The following METTL25 variants were observed in gnomAD, a reference collection of about 807,000 sequenced individuals.
METTL25 encodes the protein probable methyltransferase-like protein 25.
Under a neutral mutation model 71.6 loss-of-function variants are expected in METTL25, and 64 were observed. That is an observed-to-expected ratio of 0.89 (90% CI 0.73 to 1.10). The LOEUF (loss-of-function observed/expected upper bound fraction) is 1.10. METTL25 is among the 50% of genes least tolerant of loss of function. The pLI, the probability that METTL25 is intolerant of heterozygous loss-of-function variation, is 0.00. For synonymous variants in METTL25, 287 were observed against 250.3 expected (o/e 1.15, Z -1.38); for missense variants, 807 against 707.0 (o/e 1.14, Z -1.60).
chr12:82,409,553 C>G (rs1452099428), intron 5 of METTL25, among the ~76,000 whole-genome samples: 1 of 152,068 alleles, frequency 6.6e-6, no homozygotes, highest in Non-Finnish European at 1.5e-5. Flanking sequence ...GCTAACTGAA[C>G]CATGATTTTG....
chr12:82,394,608 C>T (rs924479678), intron 3 of METTL25, among the ~76,000 whole-genome samples: 10 of 151,924 alleles, frequency 6.6e-5, no homozygotes, highest in Non-Finnish European at 5.9e-5. Flanking sequence ...ACTGAGGGTG[C>T]ATCAGTGAAC....
At chr12:82,441,879 AAGTACAG>A (rs1266390286) in intron 8 of METTL25, among the ~76,000 whole-genome samples, 1 of 151,652 alleles carries the variant, frequency 6.6e-6, no homozygotes, top group Non-Finnish European at 1.5e-5. Context: ...AAAGGCAAAG[AAGTACAG>A]AGCCTGCACT....
intron 6 of METTL25, among the ~76,000 whole-genome samples, chr12:82,433,867 G>A (rs964066961): frequency 7.3e-5 from 11 of 151,160 alleles, no homozygotes; most frequent in Admixed American, 6.6e-4. Flanking sequence ...TTACTTTTCT[G>A]TGTTTGAAAT....
intron 5 of METTL25, among the ~76,000 whole-genome samples, chr12:82,411,264 T>TA (rs2137060427): frequency 6.6e-6 from 1 of 152,094 alleles, no homozygotes; most frequent in South Asian, 2.1e-4. Flanking sequence ...AGGGTAGCAG[T>TA]AGTAGGAAGA....
chr12:82,434,765 C>T, intron 7 of METTL25, 41 bp downstream of exon 7: 1 of 1,560,544 alleles, frequency 6.4e-7, no homozygotes, highest in Non-Finnish European at 8.8e-7. Context: ...CAGTTTTTCT[C>T]TCAAGTACTC....
intron 8 of METTL25, chr12:82,439,948 A>G (rs76281182): frequency 3.1e-5 from 11 of 352,176 alleles, no homozygotes; most frequent in Non-Finnish European, 4.0e-5. Context: ...ATACTTTCCA[A>G]CGCTCCACAT....
intron 5 of METTL25, among the ~76,000 whole-genome samples, chr12:82,421,393 T>C (rs986538947): frequency 1.3e-5 from 2 of 152,170 alleles, no homozygotes; most frequent in African/African-American, 4.8e-5. Flanking sequence ...TCCAGAATTT[T>C]TTGACTTGTG....
At chr12:82,389,481 T>C (rs1039810140) in intron 2 of METTL25, among the ~76,000 whole-genome samples, 1 of 152,074 alleles carries the variant, frequency 6.6e-6, no homozygotes, top group African/African-American at 2.4e-5. Context: ...TCTGTAGATA[T>C]ATGTGTTGGA....
chr12:82,419,383 G>A (rs751978789), intron 5 of METTL25, among the ~76,000 whole-genome samples: 2 of 152,070 alleles, frequency 1.3e-5, no homozygotes, highest in African/African-American at 2.4e-5. Flanking sequence ...ATAGACATCA[G>A]TTGCCTGCTT....
intron 8 of METTL25, chr12:82,439,813 C>T (rs1037700206): frequency 2.1e-6 from 2 of 944,776 alleles, no homozygotes; most frequent in Non-Finnish European, 2.5e-6. Flanking sequence ...AAATTCATGT[C>T]AACTCAAATA....
At chr12:82,451,973 CTGTT>C (rs1358257238) in intron 8 of METTL25, among the ~76,000 whole-genome samples, 1 of 152,010 alleles carries the variant, frequency 6.6e-6, no homozygotes, top group Non-Finnish European at 1.5e-5. Context: ...TCTATCATGT[CTGTT>C]TAATGACAGA....
chr12:82,375,934 G>A (rs56721382), intron 1 of METTL25, among the ~76,000 whole-genome samples: 2,617 of 152,226 alleles, frequency 0.017, 95 homozygotes, highest in African/African-American at 0.06. Context: ...CAACAGGTAT[G>A]ACCTCTGCCT....
intron 1 of METTL25, among the ~76,000 whole-genome samples, chr12:82,384,796 C>T (rs1405157060): frequency 6.6e-6 from 1 of 151,962 alleles, no homozygotes; most frequent in Non-Finnish European, 1.5e-5. Context: ...ACAGAAATAT[C>T]ACAATTCTTT....
At chr12:82,385,088 A>G (rs1021257763) in intron 1 of METTL25, among the ~76,000 whole-genome samples, 3 of 152,104 alleles carry the variant, frequency 2.0e-5, no homozygotes, top group Non-Finnish European at 4.4e-5. Context: ...ATATATCTTA[A>G]ATTAATTTAC....
At chr12:82,420,116 A>G (rs1433665520) in intron 5 of METTL25, among the ~76,000 whole-genome samples, 1 of 152,182 alleles carries the variant, frequency 6.6e-6, no homozygotes, top group African/African-American at 2.4e-5. Context: ...GGCAGAGAAA[A>G]ATACTGCATG....
At chr12:82,360,506 AG>A (rs1391089158) in intron 1 of METTL25, among the ~76,000 whole-genome samples, 1 of 151,642 alleles carries the variant, frequency 6.6e-6, no homozygotes, top group African/African-American at 2.4e-5. Context: ...GGAGTAAGTA[AG>A]GGGAAGAAGA....
chr12:82,444,053 A>AAAATGATAC (rs1329050217), intron 8 of METTL25, among the ~76,000 whole-genome samples: 13 of 152,214 alleles, frequency 8.5e-5, no homozygotes, highest in African/African-American at 3.1e-4. Flanking sequence ...TTAAACTCAG[A>AAAATGATAC]AAATGATACA....
chr12:82,366,101 T>C (rs958817632), intron 1 of METTL25, among the ~76,000 whole-genome samples: 8 of 152,000 alleles, frequency 5.3e-5, no homozygotes, highest in African/African-American at 1.9e-4. Context: ...TAAAAAAATT[T>C]TAAAAAAAAG....
intron 2 of METTL25, 132 bp from the exon 3 acceptor site, chr12:82,389,684 G>C (rs144493156): frequency 2.6e-5 from 14 of 543,526 alleles, no homozygotes; most frequent in African/African-American, 2.3e-4. Flanking sequence ...AGCTAGTAGA[G>C]ATCTATCCAG....
Sources: gnomAD v4.1 joint callset for allele counts (sites outside exome capture counted in the v4.1 genomes callset) on GRCh38, gnomAD v4.1.1 for gene constraint, MANE v1.5 for transcripts, NCBI Gene and HGNC (gene_info 2026-07-23, HGNC 2026-07-21) for gene names.